Variants in RNF150 observed in about 807,000 individuals in gnomAD.
RNF150 encodes the protein ring finger protein 150.
RNF150 carries 24 observed loss-of-function variants against 39.3 expected under a neutral mutation model. That is an observed-to-expected ratio of 0.61 (90% CI 0.44 to 0.86). The LOEUF (loss-of-function observed/expected upper bound fraction) is 0.86, where lower values mean the gene tolerates loss of function less well. Ranked by LOEUF, RNF150 falls within the 40% of genes least tolerant of loss-of-function variation. The probability of loss-of-function intolerance (pLI) is 0.00; values close to 1 mark genes in which losing one functional copy is unlikely to be tolerated. For missense variants in RNF150, 502 were observed against 587.8 expected, an observed-to-expected ratio of 0.85 and a Z score of 1.51; for synonymous variants, 255 against 227.3, an observed-to-expected ratio of 1.12 and a Z score of -1.10.
At chr4:141,047,177 C>G (rs1412400650) in intron 1 of RNF150, among the ~76,000 whole-genome samples, 1 of 152,028 alleles carries the variant, frequency 6.6e-6, no homozygotes. Flanking sequence ...TATTTCACAG[C>G]TTTACTGCAT....
intron 6 of RNF150, among the ~76,000 whole-genome samples, chr4:140,906,650 C>CAA (rs1284311249): frequency 1.3e-5 from 2 of 152,116 alleles, no homozygotes; most frequent in African/African-American, 2.4e-5. Context: ...TTCAACTGGC[C>CAA]AAGTTTTTGC....
At chr4:140,987,765 T>C (rs1172341229) in intron 1 of RNF150, among the ~76,000 whole-genome samples, 1 of 152,146 alleles carries the variant, frequency 6.6e-6, no homozygotes, top group African/African-American at 2.4e-5. Context: ...AAGTGGGACA[T>C]AGTTAAACTA....
chr4:140,876,520 A>T (rs986175592), intron 6 of RNF150, among the ~76,000 whole-genome samples: 2 of 152,208 alleles, frequency 1.3e-5, no homozygotes, highest in African/African-American at 4.8e-5. Flanking sequence ...AGGTCTCTGG[A>T]CCGCTTTCCT....
chr4:141,022,674 C>G (rs1216073744), intron 1 of RNF150, among the ~76,000 whole-genome samples: 1 of 152,148 alleles, frequency 6.6e-6, no homozygotes, highest in Non-Finnish European at 1.5e-5. Context: ...AATGGAAGCT[C>G]ATTTAGGAAA....
intron 5 of RNF150, among the ~76,000 whole-genome samples, chr4:140,924,364 T>C (rs541669425): frequency 3.3e-5 from 5 of 152,360 alleles, no homozygotes; most frequent in East Asian, 3.9e-4. Context: ...GCAGAAGTTA[T>C]ACCTCCATTG....
intron 1 of RNF150, among the ~76,000 whole-genome samples, chr4:141,008,190 G>T (rs895771650): frequency 6.6e-6 from 1 of 152,152 alleles, no homozygotes; most frequent in Non-Finnish European, 1.5e-5. Flanking sequence ...ATGTATACTT[G>T]AAAATTCTAT....
At chr4:141,081,976 C>T (rs1461777439) in intron 1 of RNF150, among the ~76,000 whole-genome samples, 1 of 152,232 alleles carries the variant, frequency 6.6e-6, no homozygotes, top group Non-Finnish European at 1.5e-5. Context: ...GCATTCAATA[C>T]TGTTTCACTG....
rs1393937848 is a variant in RNF150, at chr4:140,860,692, T to A, written c.*7569A>T. The A allele has an allele frequency of 1.3e-5, 2 of 152,244 alleles. No homozygotes were observed. The highest frequency in any genetic ancestry group is 2.9e-5 in the Non-Finnish European group (2 of 68,044). The allele number at this position is 152,244 out of a possible 1,614,324, so 9.4% of individuals were successfully genotyped here. ...TCCTCTTGCTAGTAGGGAGGAAGATTGATTTATGATGTCATGTCTGATTAT... is the reference window on the plus strand; with the variant it reads ...TCCTCTTGCTAGTAGGGAGGAAGATAGATTTATGATGTCATGTCTGATTAT... On this transcript the variant is annotated 3_prime_UTR_variant, in exon 7 of 7. Coordinates refer to ENST00000515673, the MANE Select transcript of RNF150 (RefSeq NM_020724.2).
intron 6 of RNF150, among the ~76,000 whole-genome samples, chr4:140,901,488 T>C (rs1401430923): frequency 1.3e-5 from 2 of 152,230 alleles, no homozygotes; most frequent in Non-Finnish European, 2.9e-5. Context: ...CATTGGAAGA[T>C]ATATTTATTA....
intron 4 of RNF150, among the ~76,000 whole-genome samples, chr4:140,931,195 C>T (rs1479240533): frequency 6.6e-6 from 1 of 152,100 alleles, no homozygotes; most frequent in African/African-American, 2.4e-5. Flanking sequence ...CATTGTATTA[C>T]ATCTTATTTT....
intron 2 of RNF150, among the ~76,000 whole-genome samples, chr4:140,957,015 A>G (rs1271877108): frequency 2.0e-5 from 3 of 149,798 alleles, no homozygotes; most frequent in Non-Finnish European, 4.5e-5. Context: ...CATGTCTAAA[A>G]CACCAAAAGC....
chr4:141,042,264 G>T (rs1423731705), intron 1 of RNF150, among the ~76,000 whole-genome samples: 7 of 152,176 alleles, frequency 4.6e-5, no homozygotes, highest in Admixed American at 6.6e-5. Flanking sequence ...TATAAAATGT[G>T]AGACTCGTTT....
At chr4:140,930,850 A>C (rs2111333133) in intron 4 of RNF150, among the ~76,000 whole-genome samples, 1 of 152,286 alleles carries the variant, frequency 6.6e-6, no homozygotes, top group South Asian at 2.1e-4. Context: ...AAGATGAATA[A>C]GACAAGGCCC....
chr4:140,903,253 G>C (rs1730252761), intron 6 of RNF150, among the ~76,000 whole-genome samples: 1 of 152,106 alleles, frequency 6.6e-6, no homozygotes, highest in Non-Finnish European at 1.5e-5. Context: ...ACCTCAAGTA[G>C]CTCCAATAAT....
intron 1 of RNF150, among the ~76,000 whole-genome samples, chr4:141,018,060 C>T (rs1012748007): frequency 5.9e-5 from 9 of 152,060 alleles, no homozygotes; most frequent in African/African-American, 2.2e-4. Context: ...TTAAAATATA[C>T]TATCATTTGA....
intron 1 of RNF150, among the ~76,000 whole-genome samples, chr4:141,185,874 A>G (rs1413002577): frequency 6.6e-6 from 1 of 152,202 alleles, no homozygotes; most frequent in Non-Finnish European, 1.5e-5. Flanking sequence ...CATCCCATGG[A>G]TGAAGCCAAC....
chr4:141,007,811 G>T (rs1034157897), intron 1 of RNF150, among the ~76,000 whole-genome samples: 2 of 152,168 alleles, frequency 1.3e-5, no homozygotes, highest in African/African-American at 4.8e-5. Context: ...GGTGCATCTG[G>T]TTGATCCCAG....
intron 1 of RNF150, among the ~76,000 whole-genome samples, chr4:141,189,896 G>T (rs1420925943): frequency 6.6e-6 from 1 of 152,208 alleles, no homozygotes; most frequent in Non-Finnish European, 1.5e-5. Context: ...CCCCGTTTCA[G>T]GGGAGTGAAT....
chr4:140,897,020 T>C (rs1446811798), intron 6 of RNF150, among the ~76,000 whole-genome samples: 1 of 152,136 alleles, frequency 6.6e-6, no homozygotes, highest in Non-Finnish European at 1.5e-5. Flanking sequence ...TATTTTGGGA[T>C]TTGGACCAGG....
Sources: allele counts gnomAD v4.1 joint callset (sites outside exome capture counted in the v4.1 genomes callset), GRCh38; gene constraint gnomAD v4.1.1; transcripts MANE v1.5; gene names NCBI Gene and HGNC (gene_info 2026-07-23, HGNC 2026-07-21).